Variants in CNOT6L observed in about 807,000 individuals in gnomAD.
CNOT6L encodes the protein CCR4-NOT transcription complex subunit 6 like, also known as CCR4-NOT transcription complex subunit 6-like.
In CNOT6L, 7 loss-of-function variants were observed where a neutral mutation model predicts 64.0. That is an observed-to-expected ratio of 0.11 (90% confidence interval 0.06 to 0.21). The LOEUF is 0.21. CNOT6L is among the 10% of genes least tolerant of loss of function. The probability of loss-of-function intolerance (pLI) is 1.00; values close to 1 mark genes in which losing one functional copy is unlikely to be tolerated. For missense variants in CNOT6L, 245 were observed against 669.0 expected, an observed-to-expected ratio of 0.37 and a Z score of 6.99; for synonymous variants, 193 against 243.4, an observed-to-expected ratio of 0.79 and a Z score of 1.93.
chr4:77,770,701 G>C (rs1727431141), intron 4 of CNOT6L, among the ~76,000 whole-genome samples: 2 of 152,222 alleles, frequency 1.3e-5, no homozygotes. Flanking sequence ...GCTGGTGTCT[G>C]ACTTGATAGA....
chr4:77,819,939 G>A (rs536829567), upstream of CNOT6L, among the ~76,000 whole-genome samples: 1 of 151,014 alleles, frequency 6.6e-6, no homozygotes, highest in African/African-American at 2.4e-5. Context: ...GCGGCCGCCG[G>A]CGCGAAGGCC....
intron 8 of CNOT6L, among the ~76,000 whole-genome samples, chr4:77,740,470 G>A (rs1054496779): frequency 6.6e-6 from 1 of 152,136 alleles, no homozygotes; most frequent in Admixed American, 6.5e-5. Context: ...AAACAAGAAG[G>A]CTAAAGATTC....
chr4:77,812,263 C>T (rs1418297474), intron 1 of CNOT6L, among the ~76,000 whole-genome samples: 1 of 151,660 alleles, frequency 6.6e-6, no homozygotes, highest in Non-Finnish European at 1.5e-5. Flanking sequence ...CACAGTGAAA[C>T]CCCATCTCTA....
At chr4:77,738,919 C>G (rs562647904) in intron 8 of CNOT6L, among the ~76,000 whole-genome samples, 5 of 152,046 alleles carry the variant, frequency 3.3e-5, no homozygotes, top group Non-Finnish European at 5.9e-5. Context: ...TTTTATCACT[C>G]AAAGTTCTAT....
chr4:77,795,020 TC>T (rs1730656161), intron 1 of CNOT6L, among the ~76,000 whole-genome samples: 1 of 120,590 alleles, frequency 8.3e-6, no homozygotes, highest in East Asian at 2.2e-4. Context: ...AAGAAATTTT[TC>T]TTTTTTTTTT....
intron 1 of CNOT6L, among the ~76,000 whole-genome samples, chr4:77,806,294 G>A (rs999429881): frequency 3.9e-5 from 6 of 151,968 alleles, no homozygotes; most frequent in Admixed American, 3.3e-4. Context: ...GCGTGGTGGC[G>A]CATGCCTGTA....
At chr4:77,817,822 C>CGGCCTACAA (rs1424211828) in intron 1 of CNOT6L, among the ~76,000 whole-genome samples, 1 of 152,222 alleles carries the variant, frequency 6.6e-6, no homozygotes, top group African/African-American at 2.4e-5. Context: ...ACACAGAGTA[C>CGGCCTACAA]GGCCTACAAG....
intron 1 of CNOT6L, among the ~76,000 whole-genome samples, chr4:77,778,978 C>T (rs1728490616): frequency 2.9e-5 from 4 of 138,242 alleles, no homozygotes; most frequent in East Asian, 2.5e-4. Flanking sequence ...ACCCGGAAGG[C>T]GGAGCCTGCA....
chr4:77,788,492 C>T (rs1384850578), intron 1 of CNOT6L, among the ~76,000 whole-genome samples: 1 of 152,150 alleles, frequency 6.6e-6, no homozygotes, highest in African/African-American at 2.4e-5. Flanking sequence ...CTTTGGGAAG[C>T]CAAGGCAGGC....
intron 4 of CNOT6L, among the ~76,000 whole-genome samples, chr4:77,771,293 G>A (rs540247027): frequency 6.6e-6 from 1 of 152,034 alleles, no homozygotes; most frequent in Non-Finnish European, 1.5e-5. Context: ...TCATGCCATT[G>A]CACTCCAGCC....
intron 4 of CNOT6L, among the ~76,000 whole-genome samples, chr4:77,761,565 G>A (rs531883405): frequency 9.8e-5 from 15 of 152,292 alleles, no homozygotes; most frequent in African/African-American, 3.4e-4. Flanking sequence ...GAGAGTATTT[G>A]TCCATATTCA....
intron 4 of CNOT6L, among the ~76,000 whole-genome samples, chr4:77,767,626 T>C (rs963331051): frequency 4.6e-5 from 7 of 152,054 alleles, no homozygotes; most frequent in Non-Finnish European, 1.0e-4. Flanking sequence ...TGGTTACTCA[T>C]AGGGAAAAAA....
intron 1 of CNOT6L, among the ~76,000 whole-genome samples, chr4:77,783,351 T>A (rs953173562): frequency 1.3e-5 from 2 of 152,240 alleles, no homozygotes; most frequent in African/African-American, 4.8e-5. Flanking sequence ...AAGTTGGACA[T>A]TGTCCTTACC....
At chr4:77,724,162 C>A (rs1577916765) in intron 11 of CNOT6L, among the ~76,000 whole-genome samples, 1 of 151,618 alleles carries the variant, frequency 6.6e-6, no homozygotes, top group Admixed American at 6.6e-5. Context: ...ATGGTGAAAC[C>A]CTGTCTCTAC....
intron 1 of CNOT6L, among the ~76,000 whole-genome samples, chr4:77,787,122 C>G (rs1441260664): frequency 6.6e-6 from 1 of 151,968 alleles, no homozygotes; most frequent in Non-Finnish European, 1.5e-5. Context: ...AAAAAAACAG[C>G]CGGGTGTGGT....
chr4:77,745,240 A>G (rs892384608), intron 6 of CNOT6L, among the ~76,000 whole-genome samples: 2 of 152,192 alleles, frequency 1.3e-5, no homozygotes, highest in Non-Finnish European at 2.9e-5. Flanking sequence ...AAGAACTCTA[A>G]TCTCATTACC....
At chr4:77,806,542 A>G (rs1732241139) in intron 1 of CNOT6L, among the ~76,000 whole-genome samples, 1 of 152,240 alleles carries the variant, frequency 6.6e-6, no homozygotes, top group Non-Finnish European at 1.5e-5. Flanking sequence ...TACATCTTGC[A>G]GTATCTATTA....
At chr4:77,785,400 C>T (rs188580803) in intron 1 of CNOT6L, among the ~76,000 whole-genome samples, 2 of 151,622 alleles carry the variant, frequency 1.3e-5, no homozygotes, top group African/African-American at 4.8e-5. Context: ...AAGCATGATC[C>T]ATAAAAGAAA....
At chr4:77,729,258 T>A (rs1434717331) in intron 9 of CNOT6L, among the ~76,000 whole-genome samples, 177 bp from the exon 10 acceptor site, 1 of 152,204 alleles carries the variant, frequency 6.6e-6, no homozygotes, top group African/African-American at 2.4e-5. Flanking sequence ...GAGATTCTGG[T>A]AATCCTACTA....
Sources: gnomAD v4.1 joint callset for allele counts (sites outside exome capture counted in the v4.1 genomes callset) on GRCh38, gnomAD v4.1.1 for gene constraint, MANE v1.5 for transcripts, NCBI Gene and HGNC (gene_info 2026-07-23, HGNC 2026-07-21) for gene names.